Variants in LHFPL1 observed in about 807,000 individuals in gnomAD.
The protein encoded by LHFPL1 is LHFPL tetraspan subfamily member 1 protein.
A neutral mutation model predicts 12.1 loss-of-function variants in LHFPL1; 4 were observed. That is an observed-to-expected ratio of 0.33 (90% CI 0.16 to 0.76). LHFPL1 has a LOEUF of 0.76. LHFPL1 is among the 30% of genes least tolerant of loss of function. LHFPL1 has a pLI of 0.61. For missense variants in LHFPL1, 141 were observed against 174.1 expected, an observed-to-expected ratio of 0.81 and a Z score of 1.07; for synonymous variants, 52 against 61.9, an observed-to-expected ratio of 0.84 and a Z score of 0.75.
intron 3 of LHFPL1, among the ~76,000 whole-genome samples, chrX:112,656,002 A>T (rs1930987704): frequency 8.9e-6 from 1 of 112,045 alleles, no homozygotes; most frequent in South Asian, 3.7e-4. Context: ...AATCATAGGA[A>T]CTCATTCTGT....
chrX:112,632,493 G>A (rs2147693513), intron 3 of LHFPL1, among the ~76,000 whole-genome samples: 1 of 111,354 alleles, frequency 9.0e-6, no homozygotes, highest in South Asian at 3.9e-4. Flanking sequence ...AAGTGCTTAA[G>A]CAAACAGGAC....
Position 112,635,586 on chromosome X carries a change from C to T in LHFPL1, c.482-3985G>A, listed in dbSNP as rs141507635. The stretch of plus-strand genomic sequence containing the variant: ...TGAAGAGAATCCTAAAAGCCCCTTC[C>T]AGATCATATTTTCTATTGTAGTATG... On this transcript the variant is annotated intron_variant, in intron 3 of 3. Transcript: ENST00000371968. Among the ~76,000 whole-genome samples the T allele has an allele frequency of 6.8e-3, 763 of 112,452 alleles. 7 individuals are homozygous for T. Among genetic ancestry groups the T allele is most frequent in the African/African-American group, 0.023 (707 of 30,965 alleles).
chrX:112,665,095 C>T (rs1476152014), intron 2 of LHFPL1, among the ~76,000 whole-genome samples: 2 of 111,767 alleles, frequency 1.8e-5, no homozygotes, highest in Non-Finnish European at 3.8e-5. Context: ...TGAGCTGCAG[C>T]CCTGGCTCTC....
At position 112,671,145 on chromosome X, in the gene LHFPL1, C is replaced by T; in HGVS notation, c.246G>A (p.Gln82=). ...SFNAIPSLAW[Q]MCTVVTGAGC... ...CGGCACCTGTCACCACTGTGCACAT[C>T]TGCCAGGCCAGGCTTGGGATGGCAT... The change falls in exon 2 of 4, where the codon CAG becomes CAA. Residue 82 remains glutamine, a synonymous_variant. Transcript: ENST00000371968. 8.2e-7 allele frequency: 1 copy of T among 1,212,328 alleles called. No homozygotes were observed. The highest frequency in any genetic ancestry group is 1.8e-5 in the South Asian group (1 of 57,031).
chrX:112,643,746 G>T (rs1005837055), intron 3 of LHFPL1, among the ~76,000 whole-genome samples: 1 of 111,597 alleles, frequency 9.0e-6, no homozygotes, highest in Non-Finnish European at 1.9e-5. Context: ...CAGGTTTAAA[G>T]AAGTGAAATT....
At chrX:112,663,716 G>A (rs1272845540) in intron 2 of LHFPL1, among the ~76,000 whole-genome samples, 1 of 111,646 alleles carries the variant, frequency 9.0e-6, no homozygotes, top group Non-Finnish European at 1.9e-5. Context: ...TGTGTCCTGG[G>A]ATGATTACCT....
intron 2 of LHFPL1, among the ~76,000 whole-genome samples, chrX:112,662,705 A>G (rs1216638026): frequency 1.8e-5 from 2 of 112,121 alleles, no homozygotes; most frequent in African/African-American, 6.5e-5. Context: ...GAAACTGGTC[A>G]CTCAAAGACC....
intron 3 of LHFPL1, among the ~76,000 whole-genome samples, chrX:112,642,716 C>A (rs200472232): frequency 1.1e-5 from 1 of 87,835 alleles, no homozygotes; most frequent in Non-Finnish European, 2.1e-5. Flanking sequence ...TGGAAGTCAC[C>A]TTAGTCACCA....
chrX:112,670,621 G>C (rs1160091422), intron 2 of LHFPL1, among the ~76,000 whole-genome samples: 2 of 112,485 alleles, frequency 1.8e-5, no homozygotes, highest in Non-Finnish European at 3.8e-5. Flanking sequence ...TGTTCTCTGA[G>C]ATAACTACCA....
chrX:112,660,738 CAT>C lies in LHFPL1; in HGVS notation c.383-15_383-14del. On this transcript the variant is annotated splice_polypyrimidine_tract_variant and intron_variant, in intron 2 of 3. Transcript: ENST00000371968. ...CTTATCAGCAGCCCTAGAAAGAAAG[CAT>C]ACACACAGACAGAAAAAATATAACG... The C allele has an allele frequency of 9.0e-7, 1 of 1,106,758 alleles. No homozygotes were observed. Among genetic ancestry groups the C allele is most frequent in the South Asian group, 1.9e-5 (1 of 53,299 alleles). The allele number at this position is 1,106,758 out of a possible 1,213,427, so 91.2% of individuals were successfully genotyped here.
At position 112,631,463 on chromosome X, in the gene LHFPL1, G is replaced by A. The variant is rs1569358808; in HGVS notation, c.620C>T (p.Thr207Ile). ...VILVESIMRN[T>I]NSYAMELDHC... ...GTCAAGCTCCATAGCATAAGAATTG[G>A]TATTCCTCATGATGCTCTCCACCAA... The change falls in exon 4 of 4, where the codon ACC becomes ATC. Residue 207 changes from threonine (T) to isoleucine (I), a missense_variant. Thr to Ile is a moderately conservative substitution (Grantham distance 89). Coordinates refer to ENST00000371968, the MANE Select transcript of LHFPL1 (RefSeq NM_178175.4). 8.3e-7 allele frequency: 1 copy of A among 1,209,700 alleles called. No homozygotes were observed.
intron 2 of LHFPL1, among the ~76,000 whole-genome samples, chrX:112,663,412 T>C (rs1278164679): frequency 9.0e-6 from 1 of 111,384 alleles, no homozygotes; most frequent in Non-Finnish European, 1.9e-5. Flanking sequence ...ACAGTCTATA[T>C]AACAGACAGC....
intron 3 of LHFPL1, among the ~76,000 whole-genome samples, chrX:112,636,379 C>CA (rs1330886711): frequency 8.9e-6 from 1 of 111,912 alleles, no homozygotes; most frequent in Non-Finnish European, 1.9e-5. Context: ...ATGATCTGGC[C>CA]AAAAAGTGTC....
At position 112,664,808 on chromosome X, in the gene LHFPL1, G is replaced by A. The variant is rs1480107396; in HGVS notation, c.383-4083C>T. Among the ~76,000 whole-genome samples the A allele has an allele frequency of 2.7e-5, 3 of 111,971 alleles. No homozygotes were observed. In the Admixed American group the frequency reaches 2.8e-4, roughly 11 times the overall value. Reference sequence around the variant, plus strand: ...GTTCTCATTAATTTGGAGTTGTGAAGATGTGCTTCAAGTAGCAACAGGGAA... The same window carrying A: ...GTTCTCATTAATTTGGAGTTGTGAAAATGTGCTTCAAGTAGCAACAGGGAA... On this transcript the variant is annotated intron_variant, in intron 2 of 3. Transcript: ENST00000371968.
intron 1 of LHFPL1, among the ~76,000 whole-genome samples, chrX:112,675,177 G>A (rs954274992): frequency 2.7e-5 from 3 of 111,177 alleles, no homozygotes; most frequent in African/African-American, 6.6e-5. Flanking sequence ...TATACTACTC[G>A]GGTGATGGGT....
intron 2 of LHFPL1, among the ~76,000 whole-genome samples, chrX:112,668,317 C>A (rs1931395004): frequency 8.9e-6 from 1 of 112,185 alleles, no homozygotes; most frequent in East Asian, 2.8e-4. Flanking sequence ...ATCCAAGCAA[C>A]CCTCACCATT....
At chrX:112,652,478 A>G (rs1294994384) in intron 3 of LHFPL1, among the ~76,000 whole-genome samples, 7 of 112,062 alleles carry the variant, frequency 6.2e-5, no homozygotes, top group African/African-American at 2.3e-4. Context: ...CATTCTAATA[A>G]GGAACACAGG....
chrX:112,643,698 C>T (rs1930599815), intron 3 of LHFPL1, among the ~76,000 whole-genome samples: 1 of 111,481 alleles, frequency 9.0e-6, no homozygotes, highest in Non-Finnish European at 1.9e-5. Flanking sequence ...CAAACCATAT[C>T]AGTAGGTATT....
chrX:112,662,332 G>A (rs1403391842), intron 2 of LHFPL1, among the ~76,000 whole-genome samples: 1 of 111,814 alleles, frequency 8.9e-6, no homozygotes, highest in African/African-American at 3.3e-5. Flanking sequence ...AGTGAAAAGC[G>A]GGCTGCTCTA....
Sources: allele counts gnomAD v4.1 joint callset (sites outside exome capture counted in the v4.1 genomes callset), GRCh38; gene constraint gnomAD v4.1.1; transcripts MANE v1.5; gene names NCBI Gene and HGNC (gene_info 2026-07-23, HGNC 2026-07-21).